The following CDH4 variants were observed in gnomAD, a reference collection of about 807,000 sequenced individuals.
The protein encoded by CDH4 is cadherin-4.
Under a neutral mutation model 86.0 loss-of-function variants are expected in CDH4, and 33 were observed. The observed-to-expected ratio is 0.38, with a 90% CI of 0.29 to 0.51. The LOEUF (loss-of-function observed/expected upper bound fraction) is 0.51, where lower values mean the gene tolerates loss of function less well. Ranked by LOEUF, CDH4 falls within the 20% of genes least tolerant of loss-of-function variation. CDH4 has a pLI of 0.86. For synonymous variants in CDH4, 555 were observed against 549.4 expected (o/e 1.01, Z -0.14); for missense variants, 1,114 against 1,307.4 (o/e 0.85, Z 2.28).
At chr20:61,388,527 C>T (rs1335345847) in intron 2 of CDH4, among the ~76,000 whole-genome samples, 2 of 152,218 alleles carry the variant, frequency 1.3e-5, no homozygotes, top group Non-Finnish European at 2.9e-5. Flanking sequence ...TTCCTGATAG[C>T]ACATTAGGTT....
intron 2 of CDH4, among the ~76,000 whole-genome samples, chr20:61,514,328 C>T (rs2085802803): frequency 6.7e-6 from 1 of 148,934 alleles, no homozygotes; most frequent in Non-Finnish European, 1.5e-5. Context: ...CCCCCCCACC[C>T]CCACCCCCGA....
At chr20:61,485,565 C>T (rs912038863) in intron 2 of CDH4, among the ~76,000 whole-genome samples, 7 of 152,224 alleles carry the variant, frequency 4.6e-5, no homozygotes, top group Admixed American at 3.3e-4. Flanking sequence ...CCAGACGAGG[C>T]CCAGGTGTGG....
intron 2 of CDH4, among the ~76,000 whole-genome samples, chr20:61,704,745 GTCA>G (rs1463342210): frequency 6.6e-6 from 1 of 152,184 alleles, no homozygotes; most frequent in Non-Finnish European, 1.5e-5. Context: ...TCTTGGCATG[GTCA>G]TCATCATGGG....
chr20:61,535,696 G>A (rs573502617), intron 2 of CDH4, among the ~76,000 whole-genome samples: 5 of 152,168 alleles, frequency 3.3e-5, no homozygotes, highest in South Asian at 4.1e-4. Context: ...GAGGGGGCCC[G>A]GGCTGCATAC....
intron 2 of CDH4, among the ~76,000 whole-genome samples, chr20:61,318,825 T>C (rs1337407694): frequency 6.6e-6 from 1 of 152,238 alleles, no homozygotes; most frequent in African/African-American, 2.4e-5. Flanking sequence ...CCTTTTCCCA[T>C]GTAATGTTTC....
chr20:61,816,392 T>A (rs1980714882), intron 4 of CDH4, among the ~76,000 whole-genome samples: 1 of 152,174 alleles, frequency 6.6e-6, no homozygotes, highest in Non-Finnish European at 1.5e-5. Context: ...CGATGGAGAA[T>A]TCTATTTTCC....
intron 2 of CDH4, among the ~76,000 whole-genome samples, chr20:61,605,203 A>G (rs1002663395): frequency 6.6e-6 from 1 of 152,170 alleles, no homozygotes; most frequent in African/African-American, 2.4e-5. Flanking sequence ...GGTATCTGCC[A>G]CTGAGGAAAT....
intron 9 of CDH4, among the ~76,000 whole-genome samples, chr20:61,911,147 G>A (rs1321165): frequency 0.72 from 109,613 of 152,130 alleles, 42,827 homozygotes; most frequent in Non-Finnish European, 0.88. Context: ...TGAATGTTTC[G>A]TCACACTGTG....
At chr20:61,432,441 T>A (rs929852377) in intron 2 of CDH4, among the ~76,000 whole-genome samples, 2 of 152,242 alleles carry the variant, frequency 1.3e-5, no homozygotes, top group Admixed American at 6.5e-5. Flanking sequence ...CATCTTCTTT[T>A]GTGGAGTGTC....
At chr20:61,382,518 A>G (rs568580698) in intron 2 of CDH4, among the ~76,000 whole-genome samples, 3 of 152,190 alleles carry the variant, frequency 2.0e-5, no homozygotes, top group Non-Finnish European at 4.4e-5. Flanking sequence ...GACACCTTCT[A>G]TTGGCTTCCC....
intron 2 of CDH4, among the ~76,000 whole-genome samples, chr20:61,672,455 C>A (rs1000194537): frequency 6.6e-6 from 1 of 152,190 alleles, no homozygotes; most frequent in East Asian, 1.9e-4. Flanking sequence ...GACACACAGA[C>A]TTCAATCAGG....
intron 2 of CDH4, among the ~76,000 whole-genome samples, chr20:61,355,522 T>G (rs1321563073): frequency 6.6e-6 from 1 of 152,092 alleles, no homozygotes; most frequent in Non-Finnish European, 1.5e-5. Flanking sequence ...AAAACCAAAG[T>G]CCATCCCAAG....
chr20:61,515,503 T>C (rs914145825), intron 2 of CDH4, among the ~76,000 whole-genome samples: 5 of 152,192 alleles, frequency 3.3e-5, no homozygotes, highest in African/African-American at 7.2e-5. Flanking sequence ...CTTTTCTCTT[T>C]TCCCCTCTGT....
intron 2 of CDH4, among the ~76,000 whole-genome samples, chr20:61,662,216 G>C (rs1360521603): frequency 1.3e-5 from 2 of 152,182 alleles, no homozygotes; most frequent in East Asian, 3.9e-4. Context: ...AAGTTGTAAA[G>C]ACAGAGTTCT....
At chr20:61,475,003 A>G (rs1160735925) in intron 2 of CDH4, among the ~76,000 whole-genome samples, 1 of 152,210 alleles carries the variant, frequency 6.6e-6, no homozygotes, top group African/African-American at 2.4e-5. Context: ...AAAAGACCCA[A>G]AGCAAATAAA....
chr20:61,643,203 GA>G (rs778434483), intron 2 of CDH4, among the ~76,000 whole-genome samples: 28 of 152,028 alleles, frequency 1.8e-4, no homozygotes, highest in Non-Finnish European at 3.5e-4. Flanking sequence ...GCATCACAGG[GA>G]GGGGGGGTGT....
At chr20:61,437,646 G>A (rs1349734850) in intron 2 of CDH4, 5 of 152,202 alleles carry the variant, frequency 3.3e-5, no homozygotes, top group Admixed American at 1.3e-4. Flanking sequence ...ATAAGGAAAC[G>A]AGAGGGTTTT....
chr20:61,878,999 C>T (rs545315262), intron 7 of CDH4, among the ~76,000 whole-genome samples: 4 of 152,332 alleles, frequency 2.6e-5, no homozygotes, highest in South Asian at 2.1e-4. Context: ...TAATTATAAC[C>T]GCTTCTGCAG....
intron 2 of CDH4, among the ~76,000 whole-genome samples, chr20:61,633,593 G>A (rs1047122878): frequency 3.9e-5 from 6 of 152,202 alleles, no homozygotes; most frequent in African/African-American, 1.2e-4. Context: ...ATGTAAGACA[G>A]CCTAGATCTT....
Sources: allele counts gnomAD v4.1 joint callset (sites outside exome capture counted in the v4.1 genomes callset), GRCh38; gene constraint gnomAD v4.1.1; transcripts MANE v1.5; gene names NCBI Gene and HGNC (gene_info 2026-07-23, HGNC 2026-07-21).